The following DPYSL3 variants were observed in gnomAD, a reference collection of about 807,000 sequenced individuals.
DPYSL3 encodes dihydropyrimidinase-related protein 3.
In DPYSL3, 16 loss-of-function variants were observed where a neutral mutation model predicts 66.1. That is an observed-to-expected ratio of 0.24 (90% CI 0.16 to 0.37). DPYSL3 has a LOEUF of 0.37. Ranked by LOEUF, DPYSL3 falls within the 10% of genes least tolerant of loss-of-function variation. The pLI is 1.00. For missense variants in DPYSL3, 738 were observed against 916.2 expected, an observed-to-expected ratio of 0.81 and a Z score of 2.51; for synonymous variants, 338 against 345.1, an observed-to-expected ratio of 0.98 and a Z score of 0.23.
intron 1 of DPYSL3, among the ~76,000 whole-genome samples, chr5:147,461,907 G>C (rs187727014): frequency 6.6e-6 from 1 of 152,218 alleles, no homozygotes; most frequent in East Asian, 1.9e-4. Flanking sequence ...AAGTAGGGAA[G>C]ACCAAGCAGA....
intron 1 of DPYSL3, among the ~76,000 whole-genome samples, chr5:147,476,340 G>A (rs1359830177): frequency 1.3e-5 from 2 of 152,098 alleles, no homozygotes; most frequent in African/African-American, 4.8e-5. Flanking sequence ...TTTTATGACT[G>A]TAAAATAATT....
At position 147,405,630 on chromosome 5, in the gene DPYSL3, A is replaced by T; in HGVS notation, c.1133T>A (p.Ile378Asn). 1.2e-6 allele frequency: 2 copies of T among 1,612,436 alleles called. No homozygotes were observed. The highest frequency in any genetic ancestry group is 1.7e-6 in the Non-Finnish European group (2 of 1,179,380). ...KVMSKSAADLISQARKKGNVV... is the reference protein window; with the variant it reads ...KVMSKSAADLNSQARKKGNVV... ...ATCACCTTTTTTCCTGGCTTGTGAG[A>T]TGAGGTCAGCTGCACTCTTGCTCAT... The change falls in exon 8 of 14, where the codon ATC (isoleucine) becomes AAC (asparagine). Residue 378 changes from isoleucine to asparagine, a missense_variant. Coordinates refer to ENST00000343218, the MANE Select transcript of DPYSL3 (RefSeq NM_001197294.2).
At chr5:147,500,010 G>T (rs1382394835) in intron 1 of DPYSL3, among the ~76,000 whole-genome samples, 1 of 152,020 alleles carries the variant, frequency 6.6e-6, no homozygotes, top group Non-Finnish European at 1.5e-5. Context: ...TCATAACACG[G>T]ATCTATGCCA....
intron 1 of DPYSL3, among the ~76,000 whole-genome samples, chr5:147,434,388 G>A (rs1463057799): frequency 6.6e-6 from 1 of 152,176 alleles, no homozygotes; most frequent in Non-Finnish European, 1.5e-5. Flanking sequence ...ATGGGTGGAA[G>A]CTCTCTTACA....
intron 1 of DPYSL3, among the ~76,000 whole-genome samples, chr5:147,431,926 T>G (rs559789062): frequency 5.9e-5 from 9 of 152,124 alleles, no homozygotes; most frequent in Non-Finnish European, 1.5e-5. Flanking sequence ...AGTACATGGG[T>G]GTGTTTCTAG....
chr5:147,407,716 T>C (rs1490749221), intron 7 of DPYSL3, among the ~76,000 whole-genome samples: 1 of 152,116 alleles, frequency 6.6e-6, no homozygotes, highest in Non-Finnish European at 1.5e-5. Flanking sequence ...GACCTAGTAT[T>C]ATTAAGGAGA....
At chr5:147,398,776 C>A (rs748584651) in intron 11 of DPYSL3, among the ~76,000 whole-genome samples, 5 of 152,186 alleles carry the variant, frequency 3.3e-5, no homozygotes, top group Non-Finnish European at 5.9e-5. Context: ...CTAGGGGAAG[C>A]TTTCAGAGCC....
intron 1 of DPYSL3, chr5:147,453,717 C>T (rs1752789740): frequency 1.7e-5 from 22 of 1,318,820 alleles, no homozygotes; most frequent in Non-Finnish European, 1.9e-5. Context: ...GCCGCCGCCT[C>T]CGCCCGCCTC....
chr5:147,474,327 T>C (rs928443720), intron 1 of DPYSL3, among the ~76,000 whole-genome samples: 4 of 152,102 alleles, frequency 2.6e-5, no homozygotes, highest in Non-Finnish European at 5.9e-5. Context: ...AATTATGAAC[T>C]GCTAAGAGGA....
chr5:147,481,771 G>C (rs1753248048), intron 1 of DPYSL3, among the ~76,000 whole-genome samples: 2 of 152,166 alleles, frequency 1.3e-5, no homozygotes, highest in African/African-American at 4.8e-5. Flanking sequence ...ACCATAGTAT[G>C]ACATGGCACA....
chr5:147,501,592 C>T (rs565687653), intron 1 of DPYSL3, among the ~76,000 whole-genome samples: 1 of 144,882 alleles, frequency 6.9e-6, no homozygotes, highest in African/African-American at 2.6e-5. Flanking sequence ...TCAAGCAATT[C>T]TCTCACCTCC....
At chr5:147,506,385 A>C (rs1753685676) in intron 1 of DPYSL3, among the ~76,000 whole-genome samples, 2 of 152,170 alleles carry the variant, frequency 1.3e-5, no homozygotes, top group Admixed American at 6.6e-5. Flanking sequence ...GGTGTTTGCC[A>C]TGGAGACAAT....
intron 1 of DPYSL3, among the ~76,000 whole-genome samples, chr5:147,497,458 G>T (rs1753536543): frequency 1.3e-5 from 2 of 151,890 alleles, no homozygotes; most frequent in South Asian, 2.1e-4. Context: ...AATGAACAAA[G>T]ATGCAAAAAT....
chr5:147,499,441 C>A (rs1310299539), intron 1 of DPYSL3, among the ~76,000 whole-genome samples: 1 of 152,046 alleles, frequency 6.6e-6, no homozygotes, highest in Non-Finnish European at 1.5e-5. Context: ...ATCTAGAAAA[C>A]CCTGTGCAAC....
At chr5:147,480,100 C>T (rs887849046) in intron 1 of DPYSL3, among the ~76,000 whole-genome samples, 1 of 152,120 alleles carries the variant, frequency 6.6e-6, no homozygotes, top group Non-Finnish European at 1.5e-5. Context: ...CAGCTAGCTT[C>T]CTATTAAGTT....
At chr5:147,415,582 C>A in intron 4 of DPYSL3, 127 bp downstream of exon 4, 1 of 1,098,122 alleles carries the variant, frequency 9.1e-7, no homozygotes, top group East Asian at 2.4e-5. Flanking sequence ...GTTATCCCTA[C>A]ATCCAGTGCT....
At chr5:147,411,544 A>G (rs1377078089) in intron 6 of DPYSL3, among the ~76,000 whole-genome samples, 1 of 152,214 alleles carries the variant, frequency 6.6e-6, no homozygotes, top group East Asian at 1.9e-4. Context: ...GGATGGTCTC[A>G]TGTATAAAAT....
chr5:147,460,112 G>GAA (rs548859726), intron 1 of DPYSL3, among the ~76,000 whole-genome samples: 10 of 141,914 alleles, frequency 7.0e-5, no homozygotes, highest in African/African-American at 2.6e-4. Context: ...CTCCGTCTCA[G>GAA]AAAAAAAAAA....
chr5:147,481,884 A>T (rs1249024690), intron 1 of DPYSL3, among the ~76,000 whole-genome samples: 1 of 152,228 alleles, frequency 6.6e-6, no homozygotes, highest in Non-Finnish European at 1.5e-5. Context: ...AGTCTCAGGT[A>T]TTCTGTTATA....
Sources: gnomAD v4.1 joint callset for allele counts (sites outside exome capture counted in the v4.1 genomes callset) on GRCh38, gnomAD v4.1.1 for gene constraint, MANE v1.5 for transcripts, NCBI Gene and HGNC (gene_info 2026-07-23, HGNC 2026-07-21) for gene names.